Variants in UBA6 observed in about 807,000 individuals in gnomAD.
UBA6 encodes ubiquitin-like modifier-activating enzyme 6.
UBA6 carries 87 observed loss-of-function variants against 148.3 expected under a neutral mutation model. The ratio of observed to expected loss-of-function variants is 0.59; its 90% confidence interval spans 0.49 to 0.70. The LOEUF is 0.70. Ranked by LOEUF, UBA6 falls within the 30% of genes least tolerant of loss-of-function variation. UBA6 has a pLI of 0.00. For synonymous variants in UBA6, 376 were observed against 401.0 expected (o/e 0.94, Z 0.75); for missense variants, 1,186 against 1,241.2 (o/e 0.96, Z 0.67).
At chr4:67,691,790 C>T (rs1403403591) in intron 2 of UBA6, among the ~76,000 whole-genome samples, 1 of 149,626 alleles carries the variant, frequency 6.7e-6, no homozygotes, top group Admixed American at 6.7e-5. Context: ...AGTGGAAGGA[C>T]CATTGTAAAA....
Position 67,639,081 on chromosome 4 carries a change from T to C in UBA6, c.1598A>G (p.Asn533Ser). ...YTAADATLKI[N>S]SQIKIDAHLN... ...GTGTGCATCTATCTTTATTTGAGAA[T>C]TTATTTTCAGAGTAGCATCAGCAGC... Residue 533 changes from asparagine (N) to serine (S), a missense_variant, in exon 19 of 33, where the codon AAT becomes AGT. Asn to Ser is a conservative substitution (Grantham distance 46). Coordinates refer to ENST00000322244, the MANE Select transcript of UBA6 (RefSeq NM_018227.6). 1 of 1,613,514 alleles carries C rather than the reference T, an allele frequency of 6.2e-7. No individual in the cohort carries two copies. The highest frequency in any genetic ancestry group is 1.1e-5 in the South Asian group (1 of 91,048).
intron 25 of UBA6, among the ~76,000 whole-genome samples, chr4:67,631,094 T>C (rs566760024): frequency 6.3e-4 from 96 of 152,194 alleles, no homozygotes; most frequent in African/African-American, 2.2e-3. Flanking sequence ...GGTGTGGTGG[T>C]ATGCACCTGT....
intron 19 of UBA6, among the ~76,000 whole-genome samples, chr4:67,636,816 C>A (rs565939866): frequency 6.6e-6 from 1 of 152,012 alleles, no homozygotes; most frequent in Non-Finnish European, 1.5e-5. Context: ...GCCGCCACCC[C>A]GTCTGGGAAG....
chr4:67,624,300 C>A, intron 29 of UBA6, 47 bp from the exon 30 acceptor site: 1 of 1,527,406 alleles, frequency 6.5e-7, no homozygotes, highest in Non-Finnish European at 8.8e-7. Context: ...CTAAAACTAT[C>A]CGTGATTTTA....
Position 67,673,781 on chromosome 4 carries a change from T to C in UBA6, c.466-4A>G. 4 of 1,592,250 alleles carry C rather than the reference T, an allele frequency of 2.5e-6. No individual in the cohort carries two copies. Among genetic ancestry groups the C allele is most frequent in the East Asian group, 2.2e-5 (1 of 44,528 alleles). On this transcript the variant is annotated splice_polypyrimidine_tract_variant and splice_region_variant and intron_variant, in intron 6 of 32. Transcript: ENST00000322244. ...TCATCTCAGTCAATACTACACACTG[T>C]TGAGAAAACAACAAATTAAAAACTA...
chr4:67,677,703 GT>G lies in UBA6; in HGVS notation c.372del (p.Lys124AsnfsTer6). 1 of 1,588,754 alleles carries G rather than the reference GT, an allele frequency of 6.3e-7. No homozygotes were observed. Among genetic ancestry groups the G allele is most frequent in the African/African-American group, 1.4e-5 (1 of 74,058 alleles). ...ACGTATGGATTTAGTTCTGCAATAT[GT>G]TTAAGTACAGCTTCAGCCCTAAAAA... Reference protein sequence around the residue: ...NKRNRAEAVLKHIAELNPYVH... With the variant: ...NKRNRAEAVLXHIAELNPYVH... On this transcript the variant is annotated frameshift_variant, in exon 6 of 33. Coordinates refer to ENST00000322244, the MANE Select transcript of UBA6 (RefSeq NM_018227.6). LOFTEE classifies it high-confidence loss of function.
At chr4:67,651,291 A>T (rs1729548253) in intron 13 of UBA6, among the ~76,000 whole-genome samples, 1 of 152,142 alleles carries the variant, frequency 6.6e-6, no homozygotes, top group Non-Finnish European at 1.5e-5. Context: ...AACAGAAATG[A>T]TCCATTCTAC....
At chr4:67,623,297 A>AC (rs398107462) in intron 30 of UBA6, 75 bp from the exon 31 acceptor site, 6 of 1,081,216 alleles carry the variant, frequency 5.5e-6, no homozygotes, top group Non-Finnish European at 8.3e-6. Flanking sequence ...CACAAAAAAA[A>AC]CCCACTTTCA....
intron 8 of UBA6, among the ~76,000 whole-genome samples, chr4:67,669,975 G>GTC (rs1730102584): frequency 6.6e-6 from 1 of 152,052 alleles, no homozygotes; most frequent in African/African-American, 2.4e-5. Context: ...TTGAGATGTG[G>GTC]TCTCACTGGG....
At chr4:67,685,855 C>T (rs954456593) in intron 2 of UBA6, among the ~76,000 whole-genome samples, 1 of 152,130 alleles carries the variant, frequency 6.6e-6, no homozygotes, top group Non-Finnish European at 1.5e-5. Context: ...AGATATGACC[C>T]CTTGATCTTA....
chr4:67,634,787 A>T lies in UBA6; in HGVS notation c.1843-269T>A, dbSNP rs1729096489. On this transcript the variant is annotated intron_variant, in intron 20 of 32. Coordinates refer to ENST00000322244, the MANE Select transcript of UBA6 (RefSeq NM_018227.6). ...AAGCACCATGTAGTACTCATGACAC[A>T]CCATCATCTATAAATCATTTTTTTC... Among the ~76,000 whole-genome samples the T allele has an allele frequency of 2.0e-5, 3 of 152,072 alleles. No homozygotes were observed. In the South Asian group the frequency reaches 6.2e-4, roughly 31 times the overall value.
intron 2 of UBA6, among the ~76,000 whole-genome samples, chr4:67,692,911 G>T (rs1386579512): frequency 6.6e-6 from 1 of 152,174 alleles, no homozygotes; most frequent in African/African-American, 2.4e-5. Context: ...TGGCAGAAGG[G>T]TTCCGACGAT....
intron 8 of UBA6, 113 bp downstream of exon 8, chr4:67,670,357 C>G: frequency 2.4e-6 from 2 of 847,328 alleles, no homozygotes; most frequent in Non-Finnish European, 3.7e-6. Context: ...TCTTAAAACA[C>G]TGTAAAATAA....
intron 6 of UBA6, among the ~76,000 whole-genome samples, chr4:67,675,014 C>A (rs1359460103): frequency 6.6e-6 from 1 of 152,164 alleles, no homozygotes; most frequent in South Asian, 2.1e-4. Flanking sequence ...GGATTACAGG[C>A]ACATGCCACC....
intron 18 of UBA6, among the ~76,000 whole-genome samples, chr4:67,640,495 G>A (rs954457786): frequency 6.6e-6 from 1 of 151,948 alleles, no homozygotes; most frequent in African/African-American, 2.4e-5. Flanking sequence ...TTTTTTTAGG[G>A]TAGAACTGGT....
chr4:67,678,298 A>G, intron 5 of UBA6, 141 bp downstream of exon 5: 1 of 423,982 alleles, frequency 2.4e-6, no homozygotes, highest in Non-Finnish European at 4.2e-6. Flanking sequence ...AAAACTCATA[A>G]TACATAAAAA....
chr4:67,634,651 C>T (rs1729093004), intron 20 of UBA6, 133 bp from the exon 21 acceptor site: 1 of 564,796 alleles, frequency 1.8e-6, no homozygotes, highest in East Asian at 3.1e-5. Flanking sequence ...ATTTTTATAT[C>T]TTCTCTCTCT....
At chr4:67,638,022 A>C (rs1411579180) in intron 19 of UBA6, among the ~76,000 whole-genome samples, 1 of 152,014 alleles carries the variant, frequency 6.6e-6, no homozygotes, top group Non-Finnish European at 1.5e-5. Context: ...AACTAGATGA[A>C]GAGTAGATAG....
At chr4:67,671,552 T>C (rs1730148991) in intron 7 of UBA6, among the ~76,000 whole-genome samples, 1 of 152,158 alleles carries the variant, frequency 6.6e-6, no homozygotes, top group Non-Finnish European at 1.5e-5. Flanking sequence ...TTTATAACCT[T>C]GTGTAGTTAT....
Sources: gnomAD v4.1 joint callset for allele counts (sites outside exome capture counted in the v4.1 genomes callset) on GRCh38, gnomAD v4.1.1 for gene constraint, MANE v1.5 for transcripts, NCBI Gene and HGNC (gene_info 2026-07-23, HGNC 2026-07-21) for gene names.